The following COL8A1 variants were observed in gnomAD, a reference collection of about 807,000 sequenced individuals.
The protein encoded by COL8A1 is collagen type VIII alpha 1 chain.
Under a neutral mutation model 42.7 loss-of-function variants are expected in COL8A1, and 21 were observed. The observed-to-expected ratio is 0.49, with a 90% confidence interval of 0.35 to 0.71. The LOEUF is 0.71. Ranked by LOEUF, COL8A1 falls within the 30% of genes least tolerant of loss-of-function variation. COL8A1 has a pLI of 0.01. For missense variants in COL8A1, 788 were observed against 962.4 expected (o/e 0.82, Z 2.40); for synonymous variants, 367 against 369.1 (o/e 0.99, Z 0.06).
At chr3:99,640,752 C>T (rs1026065413) in intron 1 of COL8A1, among the ~76,000 whole-genome samples, 23 of 152,192 alleles carry the variant, frequency 1.5e-4, no homozygotes, top group African/African-American at 5.5e-4. Flanking sequence ...CAAGATGACA[C>T]TGCTCTTCTT....
intron 2 of COL8A1, among the ~76,000 whole-genome samples, chr3:99,787,615 G>A (rs1941920104): frequency 6.6e-6 from 1 of 152,132 alleles, no homozygotes; most frequent in Non-Finnish European, 1.5e-5. Flanking sequence ...GAACAGCTCT[G>A]AGGGATGGGC....
intron 1 of COL8A1, among the ~76,000 whole-genome samples, chr3:99,662,111 G>C (rs1166831732): frequency 1.3e-5 from 2 of 152,204 alleles, no homozygotes; most frequent in South Asian, 2.1e-4. Context: ...GAGCACGGTG[G>C]CACGTGCCTA....
intron 1 of COL8A1, among the ~76,000 whole-genome samples, chr3:99,720,633 G>GACAT (rs1444663227): frequency 6.6e-6 from 1 of 152,072 alleles, no homozygotes; most frequent in Non-Finnish European, 1.5e-5. Context: ...CATGCAAGCT[G>GACAT]ACATAAACAC....
chr3:99,666,602 G>A (rs1369205159), intron 1 of COL8A1, among the ~76,000 whole-genome samples: 2 of 152,194 alleles, frequency 1.3e-5, no homozygotes, highest in African/African-American at 4.8e-5. Context: ...CAAAAATTTA[G>A]ACTAGTGTGG....
In COL8A1 at chr3:99,790,928, G is replaced by C. The variant is rs1246824509; in HGVS notation, c.246G>C (p.Glu82Asp). Residue 82 changes from glutamate to aspartate, a missense_variant, in exon 3 of 4, where the codon GAG (glutamate) becomes GAC (aspartate). Physicochemically the swap from Glu to Asp is conservative, Grantham distance 45. This residue lies in a region of COL8A1 where 421 missense variants were observed against 553.1 expected (regional missense o/e 0.76). Coordinates refer to ENST00000652472, the MANE Select transcript of COL8A1 (RefSeq NM_020351.4). Reference sequence around the variant, plus strand: ...TGCCCCACTTGCAGTATGGCAAAGAGTATCCACACCTACCCCAATATATGA... The same window carrying C: ...TGCCCCACTTGCAGTATGGCAAAGACTATCCACACCTACCCCAATATATGA... ...KEMPHLQYGK[E>D]YPHLPQYMKE... is the part of the protein sequence containing the mutation. 1 of 1,614,092 alleles carries C rather than the reference G, an allele frequency of 6.2e-7. No individual in the cohort carries two copies. Among genetic ancestry groups the C allele is most frequent in the Non-Finnish European group, 8.5e-7 (1 of 1,180,042 alleles).
intron 1 of COL8A1, among the ~76,000 whole-genome samples, chr3:99,651,664 A>T (rs1342170418): frequency 6.6e-6 from 1 of 152,216 alleles, no homozygotes; most frequent in Non-Finnish European, 1.5e-5. Flanking sequence ...ATTAGATTCT[A>T]ACCTATTAAT....
At chr3:99,713,810 A>C (rs1391197829) in intron 1 of COL8A1, among the ~76,000 whole-genome samples, 1 of 152,088 alleles carries the variant, frequency 6.6e-6, no homozygotes, top group Non-Finnish European at 1.5e-5. Flanking sequence ...ATTAAAACAA[A>C]TTTTAACAGT....
chr3:99,685,979 T>C (rs1400765805), intron 1 of COL8A1, among the ~76,000 whole-genome samples: 2 of 152,212 alleles, frequency 1.3e-5, no homozygotes, highest in African/African-American at 4.8e-5. Flanking sequence ...ATCTTAATAT[T>C]ATCTCCCTCA....
At chr3:99,689,946 C>T (rs1482458539) in intron 1 of COL8A1, among the ~76,000 whole-genome samples, 1 of 152,216 alleles carries the variant, frequency 6.6e-6, no homozygotes, top group Non-Finnish European at 1.5e-5. Flanking sequence ...ACACACTTTA[C>T]CTAAAAATCT....
At chr3:99,774,622 T>A (rs1326703281) in intron 2 of COL8A1, among the ~76,000 whole-genome samples, 1 of 152,008 alleles carries the variant, frequency 6.6e-6, no homozygotes, top group African/African-American at 2.4e-5. Context: ...GCTGTTCATA[T>A]CCAGCCCAAC....
intron 1 of COL8A1, among the ~76,000 whole-genome samples, chr3:99,665,462 C>T (rs917392457): frequency 7.9e-5 from 12 of 152,090 alleles, no homozygotes; most frequent in African/African-American, 2.7e-4. Flanking sequence ...GTATAAGGAG[C>T]GATTGGTGAA....
At chr3:99,792,524 G>A (rs1008119895) in intron 3 of COL8A1, among the ~76,000 whole-genome samples, 2 of 152,200 alleles carry the variant, frequency 1.3e-5, no homozygotes, top group Non-Finnish European at 2.9e-5. Flanking sequence ...CACGTGCTGT[G>A]TATTTCAATA....
At chr3:99,765,207 A>C (rs1941439808) in intron 2 of COL8A1, among the ~76,000 whole-genome samples, 1 of 152,130 alleles carries the variant, frequency 6.6e-6, no homozygotes, top group African/African-American at 2.4e-5. Flanking sequence ...CAGCTGATTC[A>C]CTATTCCCCT....
intron 1 of COL8A1, among the ~76,000 whole-genome samples, chr3:99,649,279 C>T (rs16841579): frequency 0.31 from 46,825 of 151,704 alleles, 7,775 homozygotes; most frequent in African/African-American, 0.42. Context: ...TGTGTATCCA[C>T]CTCCATAAAG....
chr3:99,730,678 T>G (rs569817061), intron 1 of COL8A1, among the ~76,000 whole-genome samples: 1 of 152,226 alleles, frequency 6.6e-6, no homozygotes, highest in Admixed American at 6.6e-5. Context: ...AAATCACATA[T>G]TTGGCAGCAA....
chr3:99,783,444 G>A (rs185133103), intron 2 of COL8A1, among the ~76,000 whole-genome samples: 15 of 152,350 alleles, frequency 9.8e-5, no homozygotes, highest in Non-Finnish European at 8.8e-5. Flanking sequence ...CCCAGTAGAT[G>A]TAAATGAGCA....
In COL8A1 at chr3:99,799,094, G is replaced by C. The variant is rs9809706; in HGVS notation, c.*2958G>C. 6.6e-6 allele frequency: 1 copy of C among 152,154 alleles called. No individual in the cohort carries two copies. Among genetic ancestry groups the C allele is most frequent in the Non-Finnish European group, 1.5e-5 (1 of 68,012 alleles). The allele number at this position is 152,154 out of a possible 1,614,324, so 9.4% of individuals were successfully genotyped here. A position where few individuals can be genotyped will look rare whatever the true frequency, so the allele number is the denominator to read the frequency against. Reference sequence around the variant, plus strand: ...AAATATTTTATAGAATACAATGAACGGTGAACAGACTGGTAACTTGTTTGA... The same window carrying C: ...AAATATTTTATAGAATACAATGAACCGTGAACAGACTGGTAACTTGTTTGA... On this transcript the variant is annotated 3_prime_UTR_variant, in exon 4 of 4. Coordinates refer to ENST00000652472, the MANE Select transcript of COL8A1 (RefSeq NM_020351.4).
At chr3:99,777,393 T>C (rs1941714096) in intron 2 of COL8A1, among the ~76,000 whole-genome samples, 1 of 152,070 alleles carries the variant, frequency 6.6e-6, no homozygotes, top group Non-Finnish European at 1.5e-5. Flanking sequence ...TTCAGATGGA[T>C]GAATAAAATA....
At chr3:99,682,563 G>C (rs1378361043) in intron 1 of COL8A1, among the ~76,000 whole-genome samples, 2 of 151,830 alleles carry the variant, frequency 1.3e-5, no homozygotes, top group African/African-American at 4.8e-5. Flanking sequence ...TAAGGTTGGG[G>C]TACTTCTGGT....
Sources: gnomAD v4.1 joint callset for allele counts (sites outside exome capture counted in the v4.1 genomes callset) on GRCh38, gnomAD v4.1.1 for gene constraint, gnomAD v4.1.1 regional missense constraint, MANE v1.5 for transcripts, NCBI Gene and HGNC (gene_info 2026-07-23, HGNC 2026-07-21) for gene names.